Variants in LRRC37A observed in about 807,000 individuals in gnomAD.
LRRC37A encodes the protein leucine rich repeat containing 37A, also known as leucine-rich repeat-containing protein 37A.
Under a neutral mutation model 35.4 loss-of-function variants are expected in LRRC37A, and 3 were observed. The observed-to-expected ratio is 0.08, with a 90% CI of 0.04 to 0.22. The LOEUF (loss-of-function observed/expected upper bound fraction) is 0.22. Ranked by LOEUF, LRRC37A falls within the 10% of genes least tolerant of loss-of-function variation. The pLI, the probability that LRRC37A is intolerant of heterozygous loss-of-function variation, is 1.00. For synonymous variants in LRRC37A, 23 were observed against 215.0 expected, an observed-to-expected ratio of 0.11 and a Z score of 7.81; for missense variants, 67 against 565.3, an observed-to-expected ratio of 0.12 and a Z score of 8.94.
the LRRC37A span, among the ~76,000 whole-genome samples, chr17:46,287,077 T>C: frequency 1.3e-5 from 2 of 152,232 alleles, no homozygotes; most frequent in Non-Finnish European, 2.9e-5. Flanking sequence ...CTTCCTGCTA[T>C]GAGTCAGCTA....
chr17:46,259,450 C>A, the LRRC37A span: 5 of 1,253,864 alleles, frequency 4.0e-6, no homozygotes, highest in Non-Finnish European at 4.5e-6. Context: ...CCCCTCCCCA[C>A]CTTTGGGGGT....
At chr17:46,255,768 T>C in the LRRC37A span, among the ~76,000 whole-genome samples, 3 of 151,248 alleles carry the variant, frequency 2.0e-5, no homozygotes, top group South Asian at 4.2e-4. Flanking sequence ...CTCTGCTTCC[T>C]GGGTTCACGC....
At chr17:46,286,601 A>G in the LRRC37A span, among the ~76,000 whole-genome samples, 2 of 152,242 alleles carry the variant, frequency 1.3e-5, no homozygotes, top group African/African-American at 4.8e-5. Flanking sequence ...TGTCTCAAAC[A>G]TTCACTATGA....
intron 1 of LRRC37A, among the ~76,000 whole-genome samples, chr17:46,298,676 A>T (rs1480140217): frequency 1.1e-5 from 1 of 94,896 alleles, no homozygotes; most frequent in African/African-American, 3.2e-5. Flanking sequence ...GTGAGCCGAG[A>T]TTGCACCACT....
rs1199829788 is a variant in LRRC37A, at chr17:46,328,075, C to A, written c.3054-317C>A. ...CTTATTCAGACTTCTTAAAAGTCTA[C>A]CTTCTTCCTCTGTACTTTCAGCCCA... On this transcript the variant is annotated intron_variant, in intron 7 of 13. Coordinates refer to ENST00000320254, the Ensembl canonical transcript of LRRC37A. Among the ~76,000 whole-genome samples the A allele has an allele frequency of 1.3e-4, 4 of 30,098 alleles. 2 individuals carry two copies. Among genetic ancestry groups the A allele is most frequent in the Admixed American group, 8.6e-4 (2 of 2,334 alleles). The allele number at this position is 30,098 out of a possible 152,430, so 19.7% of individuals were successfully genotyped here. A position where few individuals can be genotyped will look rare whatever the true frequency, so the allele number is the denominator to read the frequency against.
At chr17:46,288,615 A>T (rs2696491), upstream of LRRC37A, among the ~76,000 whole-genome samples, 21,743 of 119,048 alleles carry the variant, frequency 0.18, 2,004 homozygotes, top group Middle Eastern at 0.29. Context: ...ATATTTTTTA[A>T]AAAAAGTTTT....
chr17:46,281,792 C>T, the LRRC37A span, among the ~76,000 whole-genome samples: 12,903 of 141,538 alleles, frequency 0.091, no homozygotes, highest in Middle Eastern at 0.15. Context: ...TACAGGTGTG[C>T]ATCACCACAC....
chr17:46,289,802 C>T (rs1216161601), upstream of LRRC37A, among the ~76,000 whole-genome samples: 1 of 152,156 alleles, frequency 6.6e-6, no homozygotes, highest in African/African-American at 2.4e-5. Flanking sequence ...TAATGAAGGG[C>T]CGAATTAATT....
At chr17:46,270,798 T>TG in the LRRC37A span, among the ~76,000 whole-genome samples, 1 of 152,138 alleles carries the variant, frequency 6.6e-6, no homozygotes, top group African/African-American at 2.4e-5. Flanking sequence ...TCCCAGCTAT[T>TG]GGGGGGCAGG....
the LRRC37A span, among the ~76,000 whole-genome samples, chr17:46,255,963 C>T: frequency 6.6e-6 from 1 of 152,124 alleles, no homozygotes; most frequent in African/African-American, 2.4e-5. Flanking sequence ...GGGTGAGCCA[C>T]CACACCCGGC....
upstream of LRRC37A, among the ~76,000 whole-genome samples, chr17:46,288,912 C>T (rs1249926129): frequency 1.3e-5 from 2 of 152,156 alleles, no homozygotes; most frequent in Non-Finnish European, 2.9e-5. Flanking sequence ...ACCATGTTGG[C>T]CAGGCTAGCC....
At chr17:46,275,330 T>C in the LRRC37A span, 6 of 860,556 alleles carry the variant, frequency 7.0e-6, no homozygotes, top group South Asian at 7.4e-5. Context: ...TTTAAAATAG[T>C]TCAGGCAACA....
At chr17:46,267,437 C>A in the LRRC37A span, 1 of 1,613,190 alleles carries the variant, frequency 6.2e-7, no homozygotes, top group Non-Finnish European at 8.5e-7. Flanking sequence ...CTCACTCACC[C>A]CCGACGTCTT....
chr17:46,284,485 A>G, the LRRC37A span, among the ~76,000 whole-genome samples: 1 of 152,384 alleles, frequency 6.6e-6, no homozygotes, highest in East Asian at 1.9e-4. Flanking sequence ...TCAAGGCAGA[A>G]GAACTTTTCT....
chr17:46,267,227 G>A, the LRRC37A span: 5 of 712,256 alleles, frequency 7.0e-6, no homozygotes, highest in Middle Eastern at 6.2e-4. Context: ...AGATCCCAGG[G>A]CGCCCGACCC....
chr17:46,276,018 G>A, the LRRC37A span, among the ~76,000 whole-genome samples: 1 of 152,164 alleles, frequency 6.6e-6, no homozygotes. Flanking sequence ...AGCCTCCCGA[G>A]TAGCTGGGAT....
chr17:46,291,534 C>A (rs2050067352), upstream of LRRC37A, among the ~76,000 whole-genome samples: 2 of 151,636 alleles, frequency 1.3e-5, no homozygotes, highest in African/African-American at 2.4e-5. Context: ...CTGGGCTACA[C>A]TGGGCTTCAG....
the LRRC37A span, among the ~76,000 whole-genome samples, chr17:46,287,657 G>T: frequency 6.6e-6 from 1 of 151,514 alleles, no homozygotes; most frequent in Non-Finnish European, 1.5e-5. Flanking sequence ...TATAATGTTT[G>T]TGACAATGTG....
chr17:46,280,282 T>G, the LRRC37A span, among the ~76,000 whole-genome samples: 1 of 152,192 alleles, frequency 6.6e-6, no homozygotes, highest in Admixed American at 6.5e-5. Context: ...GAGAATCGCT[T>G]GAACGCGGGA....
Sources: allele counts gnomAD v4.1 joint callset (sites outside exome capture counted in the v4.1 genomes callset), GRCh38; gene constraint gnomAD v4.1.1; transcripts MANE v1.5; gene names NCBI Gene and HGNC (gene_info 2026-07-23, HGNC 2026-07-21).